PDE3B: variants seen among roughly 807,000 people sequenced by gnomAD.
The protein encoded by PDE3B is cGMP-inhibited 3',5'-cyclic phosphodiesterase 3B.
In PDE3B, 66 loss-of-function variants were observed where a neutral mutation model predicts 116.8. That is an observed-to-expected ratio of 0.56 (90% CI 0.46 to 0.69). PDE3B has a LOEUF of 0.69. PDE3B is among the 30% of genes least tolerant of loss of function. The pLI is 0.00. For synonymous variants in PDE3B, 595 were observed against 533.6 expected, an observed-to-expected ratio of 1.12 and a Z score of -1.59; for missense variants, 1,384 against 1,368.1, an observed-to-expected ratio of 1.01 and a Z score of -0.18.
At chr11:14,857,614 T>A (rs1442942012) in intron 12 of PDE3B, among the ~76,000 whole-genome samples, 2 of 152,206 alleles carry the variant, frequency 1.3e-5, no homozygotes, top group African/African-American at 2.4e-5. Flanking sequence ...GGTCATTATA[T>A]CTAGATTCTA....
intron 1 of PDE3B, among the ~76,000 whole-genome samples, chr11:14,683,191 T>C (rs1377829993): frequency 1.3e-5 from 2 of 152,120 alleles, no homozygotes; most frequent in Admixed American, 6.5e-5. Context: ...CCGCCTGCCT[T>C]GGCCTCCCAG....
At chr11:14,807,821 T>C (rs939285009) in intron 5 of PDE3B, among the ~76,000 whole-genome samples, 2 of 151,960 alleles carry the variant, frequency 1.3e-5, no homozygotes, top group Admixed American at 6.6e-5. Context: ...CTCAGGTGGG[T>C]GGATCACCTG....
intron 2 of PDE3B, chr11:14,773,587 T>G (rs1379892266): frequency 1.3e-5 from 2 of 152,200 alleles, no homozygotes; most frequent in Non-Finnish European, 2.9e-5. Context: ...AATGCTCTGG[T>G]GAAGCTATCT....
rs1555006627 is a variant in PDE3B, at chr11:14,859,082, C to T, written c.2560C>T (p.His854Tyr). 1 of 1,613,506 alleles carries T rather than the reference C, an allele frequency of 6.2e-7. No individual in the cohort carries two copies. Among genetic ancestry groups the T allele is most frequent in the Admixed American group, 1.7e-5 (1 of 59,988 alleles). The stretch of plus-strand genomic sequence containing the variant: ...TGACAGATCTGTTCTGGAAAATCAT[C>T]ATGCTGCGTCAGCTTGGAATCTATA... ...YNDRSVLENH[H>Y]AASAWNLYLS... The change falls in exon 13 of 16, where the codon CAT becomes TAT. Residue 854 changes from histidine to tyrosine, a missense_variant. By Grantham distance (83) the His-to-Tyr change is moderately conservative (BLOSUM62 2). Transcript: ENST00000282096.
At chr11:14,771,338 G>A (rs1857637099) in intron 1 of PDE3B, among the ~76,000 whole-genome samples, 1 of 151,624 alleles carries the variant, frequency 6.6e-6, no homozygotes. Flanking sequence ...CAAAAAGCTT[G>A]TTAGGAAGAA....
At chr11:14,856,983 G>A (rs372443130) in intron 12 of PDE3B, among the ~76,000 whole-genome samples, 6 of 151,848 alleles carry the variant, frequency 4.0e-5, no homozygotes, top group Non-Finnish European at 7.4e-5. Context: ...CTTATCCTTT[G>A]TATGATCTAA....
intron 1 of PDE3B, among the ~76,000 whole-genome samples, chr11:14,750,177 A>G (rs1275399446): frequency 1.3e-5 from 2 of 151,690 alleles, no homozygotes. Flanking sequence ...AATCTGCTTT[A>G]CTCAGTGTAC....
intron 1 of PDE3B, among the ~76,000 whole-genome samples, chr11:14,771,677 C>G (rs1489694882): frequency 6.6e-6 from 1 of 151,100 alleles, no homozygotes; most frequent in African/African-American, 2.4e-5. Context: ...TTTATATTTT[C>G]CTTTTTGTGG....
chr11:14,679,505 A>G (rs1854632857), intron 1 of PDE3B, among the ~76,000 whole-genome samples: 1 of 152,146 alleles, frequency 6.6e-6, no homozygotes, highest in Admixed American at 6.5e-5. Context: ...CAAGCCAGCC[A>G]GGATGTAAAA....
Position 14,870,792 on chromosome 11 carries a change from A to C in PDE3B, c.*1132A>C, listed in dbSNP as rs1848129701. The C allele has an allele frequency of 6.6e-6, 1 of 152,090 alleles. No individual in the cohort carries two copies. The highest frequency in any genetic ancestry group is 1.5e-5 in the Non-Finnish European group (1 of 68,016). 9.4% of individuals were successfully genotyped at this position (152,090 alleles called of 1,614,324 possible). A position where few individuals can be genotyped will look rare whatever the true frequency, so the allele number is the denominator to read the frequency against. The stretch of plus-strand genomic sequence containing the variant: ...ACTGCAAGACTGATTTCTGAGAACA[A>C]GTAAAGAACTGGAATACTTATTTTT... On this transcript the variant is annotated 3_prime_UTR_variant, in exon 16 of 16. Transcript: ENST00000282096. The surrounding 1 kb of genome is among the most constrained non-coding windows in gnomAD (Gnocchi z 4.1).
rs111476527 is a variant in PDE3B at position 14,725,329 on chromosome 11, T to TTTTC, written c.979-46589_979-46586dup. Among the ~76,000 whole-genome samples the TTTTC allele has an allele frequency of 6.2e-3, 768 of 123,256 alleles. 8 individuals are homozygous for TTTTC. The highest frequency in any genetic ancestry group is 0.02 in the African/African-American group (628 of 31,906). The allele number at this position is 123,256 out of a possible 152,430, so 80.9% of individuals were successfully genotyped here. On this transcript the variant is annotated intron_variant, in intron 1 of 15. Transcript: ENST00000282096. ...TCTTTCTCTTTCTTTCTTTCTTTCT[T>TTTTC]TTTCTTTCTTTCTTTCTTTCTTCTT...
intron 1 of PDE3B, among the ~76,000 whole-genome samples, chr11:14,714,491 G>T (rs1309131382): frequency 6.8e-6 from 1 of 146,972 alleles, no homozygotes. Context: ...AGTGAGCCAT[G>T]CCTACACCTC....
chr11:14,892,689 C>A, the PDE3B span, among the ~76,000 whole-genome samples: 1 of 152,204 alleles, frequency 6.6e-6, no homozygotes, highest in African/African-American at 2.4e-5. Context: ...AGAAAATTGA[C>A]CCATCAGTAG....
chr11:14,664,456 C>T (rs1565079955), intron 1 of PDE3B, among the ~76,000 whole-genome samples: 1 of 151,970 alleles, frequency 6.6e-6, no homozygotes, highest in African/African-American at 2.4e-5. Flanking sequence ...AAAAACACTT[C>T]AAAAAATCAA....
At chr11:14,881,504 G>A in the PDE3B span, among the ~76,000 whole-genome samples, 87 of 152,124 alleles carry the variant, frequency 5.7e-4, 1 homozygote, top group Non-Finnish European at 7.5e-4. Context: ...ACTCATTACT[G>A]GGACACGGTT....
intron 15 of PDE3B, among the ~76,000 whole-genome samples, chr11:14,868,074 T>A (rs1848079974): frequency 6.6e-6 from 1 of 152,218 alleles, no homozygotes; most frequent in Non-Finnish European, 1.5e-5. Context: ...CAGCAGTCAT[T>A]ACATTGAGTA....
At position 14,766,702 on chromosome 11, in the gene PDE3B, G is replaced by A. The variant is rs1857507674; in HGVS notation, c.979-5235G>A. ...AAAAAAAAACAGGGTATATAGATTT[G>A]CAGTTAGTGTAGTACTCATTGCTTA... On this transcript the variant is annotated intron_variant, in intron 1 of 15. Transcript: ENST00000282096. Among the ~76,000 whole-genome samples, 3 of 151,222 alleles carry A rather than the reference G, an allele frequency of 2.0e-5. No homozygotes were observed. The South Asian group carries it at 6.2e-4, about 31-fold the overall frequency.
chr11:14,690,198 T>G (rs986068533), intron 1 of PDE3B, among the ~76,000 whole-genome samples: 2 of 152,134 alleles, frequency 1.3e-5, no homozygotes, highest in Non-Finnish European at 2.9e-5. Flanking sequence ...AAATTTGAAA[T>G]ACACGGGGCC....
At chr11:14,772,036 C>A in intron 2 of PDE3B, 49 bp downstream of exon 2, 1 of 784,512 alleles carries the variant, frequency 1.3e-6, no homozygotes, top group South Asian at 1.8e-5. Flanking sequence ...TATCTGTGAT[C>A]ACTAAATAAT....
Sources: gnomAD v4.1 joint callset for allele counts (sites outside exome capture counted in the v4.1 genomes callset) on GRCh38, gnomAD v4.1.1 for gene constraint, Gnocchi (gnomAD v3.1) non-coding constraint, MANE v1.5 for transcripts, NCBI Gene and HGNC (gene_info 2026-07-23, HGNC 2026-07-21) for gene names.